The following TSPAN18 variants were observed in gnomAD, a reference collection of about 807,000 sequenced individuals.
TSPAN18 encodes the protein tetraspanin-18.
TSPAN18 carries 14 observed loss-of-function variants against 27.3 expected under a neutral mutation model. The observed-to-expected ratio is 0.51, with a 90% CI of 0.34 to 0.80. TSPAN18 has a LOEUF of 0.80. Among genes scored for constraint, TSPAN18 ranks in the 30% least tolerant of loss-of-function variants. The probability of loss-of-function intolerance (pLI) is 0.01; values close to 1 mark genes in which losing one functional copy is unlikely to be tolerated. For synonymous variants in TSPAN18, 143 were observed against 136.5 expected (o/e 1.05, Z -0.33); for missense variants, 268 against 323.9 (o/e 0.83, Z 1.32).
chr11:44,803,118 A>G (rs1233907950), intron 2 of TSPAN18, among the ~76,000 whole-genome samples: 1 of 152,228 alleles, frequency 6.6e-6, no homozygotes, highest in Non-Finnish European at 1.5e-5. Flanking sequence ...GCCTAGTAAG[A>G]AAAGGGAGTG....
At position 44,786,239 on chromosome 11, in the gene TSPAN18, G is replaced by A. The variant is rs1320653420; in HGVS notation, c.-153+21727G>A. Reference sequence around the variant, plus strand: ...TGTTGTATCTCTGTTTGACAGATGAGCAGACTGAGGCTCAGAGGATGGTCC... The same window carrying A: ...TGTTGTATCTCTGTTTGACAGATGAACAGACTGAGGCTCAGAGGATGGTCC... On this transcript the variant is annotated intron_variant, in intron 2 of 9. Transcript: ENST00000520358. Among the ~76,000 whole-genome samples, 3 of 152,252 alleles carry A rather than the reference G, an allele frequency of 2.0e-5. No individual in the cohort carries two copies. In the East Asian group the frequency reaches 5.8e-4, roughly 29 times the overall value.
intron 5 of TSPAN18, among the ~76,000 whole-genome samples, chr11:44,910,155 C>T (rs914432143): frequency 5.9e-5 from 9 of 152,232 alleles, no homozygotes; most frequent in Admixed American, 1.3e-4. Context: ...ATGATACAGA[C>T]GCTAGGTCAG....
intron 4 of TSPAN18, among the ~76,000 whole-genome samples, chr11:44,908,799 G>GAAAGAAAGA (rs1859582983): frequency 8.9e-6 from 1 of 112,802 alleles, no homozygotes; most frequent in African/African-American, 3.6e-5. Context: ...AAGAAAGAAA[G>GAAAGAAAGA]AAAGAAAGAA....
intron 1 of TSPAN18, among the ~76,000 whole-genome samples, chr11:44,763,629 A>C (rs1590432865): frequency 6.6e-6 from 1 of 152,274 alleles, no homozygotes; most frequent in Non-Finnish European, 1.5e-5. Flanking sequence ...CCTTTTTTTC[A>C]GCCTGAGGAA....
chr11:44,895,470 C>T (rs1208970703), intron 3 of TSPAN18, among the ~76,000 whole-genome samples: 1 of 152,204 alleles, frequency 6.6e-6, no homozygotes, highest in Non-Finnish European at 1.5e-5. Context: ...CCAGCCTCTG[C>T]AGAAGCATCA....
At chr11:44,732,292 C>T (rs958710232) in intron 1 of TSPAN18, among the ~76,000 whole-genome samples, 11 of 152,186 alleles carry the variant, frequency 7.2e-5, no homozygotes, top group African/African-American at 2.2e-4. Flanking sequence ...TGCTGCCGCC[C>T]GCCAGGTGCT....
chr11:44,894,322 G>A (rs1858960722), intron 3 of TSPAN18, among the ~76,000 whole-genome samples: 1 of 152,210 alleles, frequency 6.6e-6, no homozygotes, highest in South Asian at 2.1e-4. Context: ...CTGAGGCTCT[G>A]CCCTTGGCCA....
intron 1 of TSPAN18, among the ~76,000 whole-genome samples, chr11:44,728,833 T>C (rs1854582452): frequency 6.6e-6 from 1 of 152,258 alleles, no homozygotes; most frequent in Non-Finnish European, 1.5e-5. Flanking sequence ...TTGGAGGGAC[T>C]ATTGCCTCAT....
chr11:44,818,244 CCCATTT>C (rs1274082290), intron 2 of TSPAN18, among the ~76,000 whole-genome samples: 1 of 152,200 alleles, frequency 6.6e-6, no homozygotes, highest in Non-Finnish European at 1.5e-5. Context: ...GGCAGGAAAG[CCCATTT>C]CCCTCCACGG....
chr11:44,851,306 A>G (rs1857594678), intron 2 of TSPAN18, among the ~76,000 whole-genome samples: 1 of 152,050 alleles, frequency 6.6e-6, no homozygotes, highest in Non-Finnish European at 1.5e-5. Flanking sequence ...CACACTTCCC[A>G]CTTCCTAGCG....
chr11:44,881,240 C>G (rs1231605805), intron 3 of TSPAN18, among the ~76,000 whole-genome samples: 4 of 152,172 alleles, frequency 2.6e-5, no homozygotes, highest in Non-Finnish European at 5.9e-5. Context: ...GCAAACTCCT[C>G]TTGTTATTGG....
At chr11:44,848,555 G>A (rs889647791) in intron 2 of TSPAN18, among the ~76,000 whole-genome samples, 5 of 152,198 alleles carry the variant, frequency 3.3e-5, no homozygotes, top group African/African-American at 1.2e-4. Flanking sequence ...GCCTGGCTGA[G>A]CTGCAAAGTC....
chr11:44,858,005 C>G (rs1857781658), intron 2 of TSPAN18, among the ~76,000 whole-genome samples: 1 of 152,242 alleles, frequency 6.6e-6, no homozygotes, highest in South Asian at 2.1e-4. Context: ...GCTCATAAAG[C>G]AAATAGGGGT....
chr11:44,857,887 A>G (rs1028493004), intron 2 of TSPAN18, among the ~76,000 whole-genome samples: 5 of 142,320 alleles, frequency 3.5e-5, no homozygotes, highest in African/African-American at 1.3e-4. Flanking sequence ...ACATGCTGCC[A>G]ACAGTCATGT....
chr11:44,787,281 A>G (rs931775121), intron 2 of TSPAN18, among the ~76,000 whole-genome samples: 2 of 152,178 alleles, frequency 1.3e-5, no homozygotes, highest in Non-Finnish European at 2.9e-5. Flanking sequence ...TTTTACAGAT[A>G]AGGAAACTGA....
intron 1 of TSPAN18, among the ~76,000 whole-genome samples, chr11:44,763,076 G>C (rs1254526885): frequency 6.6e-6 from 1 of 152,176 alleles, no homozygotes; most frequent in Non-Finnish European, 1.5e-5. Context: ...TAACTCCTCT[G>C]AGCTCACAGT....
chr11:44,918,641 C>G (rs1425646237), intron 6 of TSPAN18, among the ~76,000 whole-genome samples: 1 of 151,942 alleles, frequency 6.6e-6, no homozygotes, highest in Non-Finnish European at 1.5e-5. Flanking sequence ...GTAGCCAGCA[C>G]GGAGCAGAGG....
intron 2 of TSPAN18, among the ~76,000 whole-genome samples, chr11:44,846,212 C>T (rs763885694): frequency 2.0e-5 from 3 of 152,240 alleles, no homozygotes; most frequent in Non-Finnish European, 2.9e-5. Flanking sequence ...CAGCATTTCA[C>T]AGAGCCAGGA....
At chr11:44,863,514 C>G (rs908475110) in intron 3 of TSPAN18, among the ~76,000 whole-genome samples, 2 of 152,202 alleles carry the variant, frequency 1.3e-5, no homozygotes, top group Non-Finnish European at 2.9e-5. Context: ...GCACAAAGAC[C>G]AAGAGTTCTT....
Sources: allele counts gnomAD v4.1 joint callset (sites outside exome capture counted in the v4.1 genomes callset), GRCh38; gene constraint gnomAD v4.1.1; transcripts MANE v1.5; gene names NCBI Gene and HGNC (gene_info 2026-07-23, HGNC 2026-07-21).